LSM14A: variants seen among roughly 807,000 people sequenced by gnomAD.
LSM14A encodes the protein LSM14A mRNA processing body assembly factor, also known as protein LSM14 homolog A.
In LSM14A, 14 loss-of-function variants were observed where a neutral mutation model predicts 52.4. The ratio of observed to expected loss-of-function variants is 0.27; its 90% CI spans 0.18 to 0.42. LSM14A has a LOEUF of 0.42. Among genes scored for constraint, LSM14A ranks in the 10% least tolerant of loss-of-function variants. The pLI, the probability that LSM14A is intolerant of heterozygous loss-of-function variation, is 1.00. For missense variants in LSM14A, 417 were observed against 581.8 expected (o/e 0.72, Z 2.91); for synonymous variants, 185 against 200.3 (o/e 0.92, Z 0.64).
intron 1 of LSM14A, among the ~76,000 whole-genome samples, chr19:34,179,019 T>C (rs1346812670): frequency 6.6e-6 from 1 of 152,212 alleles, no homozygotes; most frequent in Non-Finnish European, 1.5e-5. Flanking sequence ...GTGAGTAGGA[T>C]GCCTAAATAG....
chr19:34,223,908 T>C (rs566364022), intron 9 of LSM14A, among the ~76,000 whole-genome samples: 3 of 152,358 alleles, frequency 2.0e-5, no homozygotes, highest in African/African-American at 7.2e-5. Context: ...CATTAAACTT[T>C]CAGAGTTGGA....
chr19:34,203,201 T>G (rs2071427270), intron 3 of LSM14A, among the ~76,000 whole-genome samples: 1 of 152,210 alleles, frequency 6.6e-6, no homozygotes, highest in African/African-American at 2.4e-5. Context: ...TAGCAAGGAT[T>G]ACAGTGAAGA....
chr19:34,202,127 T>G (rs1568486668), intron 3 of LSM14A, among the ~76,000 whole-genome samples: 3 of 49,774 alleles, frequency 6.0e-5, no homozygotes, highest in South Asian at 4.9e-4. Context: ...TTTTAGTAAG[T>G]TTTTTTTTTT....
chr19:34,205,379 A>T (rs551284851), intron 3 of LSM14A, among the ~76,000 whole-genome samples: 13 of 147,688 alleles, frequency 8.8e-5, no homozygotes, highest in African/African-American at 2.5e-4. Flanking sequence ...CCAGCTACTC[A>T]GGAGGCTGAG....
intron 3 of LSM14A, among the ~76,000 whole-genome samples, chr19:34,202,035 T>C (rs2071327254): frequency 6.6e-6 from 1 of 151,862 alleles, no homozygotes; most frequent in Non-Finnish European, 1.5e-5. Context: ...TTATCCAGGC[T>C]GATCTCGAAC....
intron 1 of LSM14A, among the ~76,000 whole-genome samples, chr19:34,184,518 G>A (rs1313948174): frequency 1.3e-5 from 2 of 152,092 alleles, no homozygotes; most frequent in Non-Finnish European, 2.9e-5. Flanking sequence ...GGAGTTCATG[G>A]TAGATTTCAG....
At chr19:34,192,201 G>T (rs955255877) in intron 1 of LSM14A, among the ~76,000 whole-genome samples, 1 of 151,674 alleles carries the variant, frequency 6.6e-6, no homozygotes, top group African/African-American at 2.4e-5. Context: ...TTTAGGGAAG[G>T]ATCTTCTGCC....
chr19:34,192,219 C>T (rs1164297530), intron 1 of LSM14A, among the ~76,000 whole-genome samples: 1 of 151,046 alleles, frequency 6.6e-6, no homozygotes, highest in African/African-American at 2.4e-5. Context: ...GCCAAACTAC[C>T]TGTGCCACTG....
At chr19:34,207,273 CAG>C (rs1483674270) in intron 3 of LSM14A, among the ~76,000 whole-genome samples, 2 of 152,162 alleles carry the variant, frequency 1.3e-5, no homozygotes, top group African/African-American at 4.8e-5. Context: ...TGAGGAAACA[CAG>C]AGCAGCCTGG....
Position 34,172,595 on chromosome 19 carries a change from G to C in LSM14A, c.-48G>C, listed in dbSNP as rs1223353212. 1.3e-6 allele frequency: 2 copies of C among 1,513,368 alleles called. No homozygotes were observed. The highest frequency in any genetic ancestry group is 2.8e-5 in the East Asian group (1 of 35,418). The allele number at this position is 1,513,368 out of a possible 1,614,324, so 93.7% of individuals were successfully genotyped here. A position where few individuals can be genotyped will look rare whatever the true frequency, so the allele number is the denominator to read the frequency against. ...GGCGTGCGGAGCGGGCGACAGTGGC[G>C]TGGGATCTGCCTCTCTGCGAGCAGC... On this transcript the variant is annotated 5_prime_UTR_variant, in exon 1 of 10. Transcript: ENST00000544216.
In LSM14A at chr19:34,227,790, T is replaced by G. The variant is rs972052323; in HGVS notation, c.*402T>G. 5.2e-5 allele frequency: 8 copies of G among 152,444 alleles called. No individual in the cohort carries two copies. Among genetic ancestry groups the G allele is most frequent in the South Asian group, 1.7e-4 (1 of 5,786 alleles). The allele number at this position is 152,444 out of a possible 1,614,324, so 9.4% of individuals were successfully genotyped here. ...ATACTGTGTTTTGAGCCACAGAAGG[T>G]TGTGTGTGTGTGTGTGTGTGTGTGT... On this transcript the variant is annotated 3_prime_UTR_variant, in exon 10 of 10. Coordinates refer to ENST00000544216, the MANE Select transcript of LSM14A (RefSeq NM_015578.4).
At chr19:34,187,440 G>A (rs1050672141) in intron 1 of LSM14A, among the ~76,000 whole-genome samples, 22 of 151,894 alleles carry the variant, frequency 1.4e-4, no homozygotes, top group Non-Finnish European at 2.4e-4. Flanking sequence ...CACCACAACC[G>A]GCTAATTTTT....
chr19:34,196,502 C>T (rs910319835), intron 2 of LSM14A, 132 bp from the exon 3 acceptor site: 2 of 769,744 alleles, frequency 2.6e-6, no homozygotes, highest in Non-Finnish European at 3.8e-6. Flanking sequence ...ATATTAAGTG[C>T]ATATTGTAAT....
intron 1 of LSM14A, among the ~76,000 whole-genome samples, chr19:34,184,454 A>G (rs1482702133): frequency 2.0e-5 from 3 of 152,230 alleles, no homozygotes; most frequent in Non-Finnish European, 2.9e-5. Context: ...GTATTTCTCT[A>G]TATCAATTAT....
In LSM14A at chr19:34,227,561, CT is replaced by C; in HGVS notation, c.*177del. 1 of 534,098 alleles carries C rather than the reference CT, an allele frequency of 1.9e-6. No individual in the cohort carries two copies. Among genetic ancestry groups the C allele is most frequent in the South Asian group, 3.2e-5 (1 of 31,518 alleles). The allele number at this position is 534,098 out of a possible 1,614,324, so 33.1% of individuals were successfully genotyped here. A position where few individuals can be genotyped will look rare whatever the true frequency, so the allele number is the denominator to read the frequency against. ...TAATTTCAAAGATAAAATGCAGTTA[CT>C]TTTGGGGGTGGAAGGCTCATCTTAA... On this transcript the variant is annotated 3_prime_UTR_variant, in exon 10 of 10. Coordinates refer to ENST00000544216, the MANE Select transcript of LSM14A (RefSeq NM_015578.4).
chr19:34,209,062 T>C lies in LSM14A; in HGVS notation c.538+11T>C, dbSNP rs2071931564. Reference sequence around the variant, plus strand: ...CACAGTTATCTCAAGGTAAGCTATCTCATCCCTAAAATATTTCCATTCTAA... The same window carrying C: ...CACAGTTATCTCAAGGTAAGCTATCCCATCCCTAAAATATTTCCATTCTAA... On this transcript the variant is annotated intron_variant, in intron 4 of 9. Transcript: ENST00000544216. 3 of 1,553,096 alleles carry C rather than the reference T, an allele frequency of 1.9e-6. No homozygotes were observed. The highest frequency in any genetic ancestry group is 2.6e-6 in the Non-Finnish European group (3 of 1,147,194).
intron 1 of LSM14A, among the ~76,000 whole-genome samples, chr19:34,188,900 T>A (rs1341858757): frequency 6.6e-6 from 1 of 151,892 alleles, no homozygotes; most frequent in Non-Finnish European, 1.5e-5. Context: ...ATTTGGGTTG[T>A]TTCTACCATT....
At chr19:34,184,413 C>A (rs1467595158) in intron 1 of LSM14A, among the ~76,000 whole-genome samples, 1 of 152,128 alleles carries the variant, frequency 6.6e-6, no homozygotes, top group African/African-American at 2.4e-5. Context: ...AACATTCTTG[C>A]ATTTTTAGAA....
intron 4 of LSM14A, among the ~76,000 whole-genome samples, chr19:34,213,925 C>G (rs976517258): frequency 5.9e-5 from 9 of 152,096 alleles, no homozygotes; most frequent in African/African-American, 2.2e-4. Context: ...GGGTTACAGG[C>G]ATGTGCCACC....
Sources: allele counts gnomAD v4.1 joint callset (sites outside exome capture counted in the v4.1 genomes callset), GRCh38; gene constraint gnomAD v4.1.1; transcripts MANE v1.5; gene names NCBI Gene and HGNC (gene_info 2026-07-23, HGNC 2026-07-21).